USP25: variants seen among roughly 807,000 people sequenced by gnomAD.
USP25 encodes the protein ubiquitin carboxyl-terminal hydrolase 25.
In USP25, 85 loss-of-function variants were observed where a neutral mutation model predicts 158.5. The observed-to-expected ratio is 0.54, with a 90% CI of 0.45 to 0.64. USP25 has a LOEUF of 0.64. USP25 is among the 30% of genes least tolerant of loss of function. The pLI is 0.00. For missense variants in USP25, 1,242 were observed against 1,327.3 expected (o/e 0.94, Z 1.00); for synonymous variants, 464 against 460.4 (o/e 1.01, Z -0.10).
intron 4 of USP25, among the ~76,000 whole-genome samples, chr21:15,783,120 T>G (rs1351920326): frequency 1.3e-5 from 2 of 151,286 alleles, no homozygotes; most frequent in African/African-American, 4.9e-5. Context: ...AAAATACAAT[T>G]GAGAGCCACA....
At chr21:15,848,730 G>GT (rs1316826053) in intron 19 of USP25, among the ~76,000 whole-genome samples, 1 of 152,096 alleles carries the variant, frequency 6.6e-6, no homozygotes, top group African/African-American at 2.4e-5. Flanking sequence ...CTGTACCAGT[G>GT]TAAGAAATCA....
chr21:15,856,887 C>A (rs963092998), intron 20 of USP25, among the ~76,000 whole-genome samples: 15 of 152,042 alleles, frequency 9.9e-5, no homozygotes, highest in Admixed American at 9.8e-4. Flanking sequence ...TAGGGTTTAT[C>A]AAAATTTATT....
At chr21:15,760,468 G>T (rs1324162064) in intron 1 of USP25, among the ~76,000 whole-genome samples, 2 of 152,176 alleles carry the variant, frequency 1.3e-5, no homozygotes, top group African/African-American at 2.4e-5. Flanking sequence ...TGAAGCTGCT[G>T]TTTAGTTGGG....
At chr21:15,862,169 C>G (rs1813795106) in intron 20 of USP25, among the ~76,000 whole-genome samples, 1 of 151,976 alleles carries the variant, frequency 6.6e-6, no homozygotes, top group South Asian at 2.1e-4. Flanking sequence ...CTATTTTGTA[C>G]TAAAGTATGA....
chr21:15,838,207 G>T (rs2038152107), intron 17 of USP25, among the ~76,000 whole-genome samples: 1 of 151,530 alleles, frequency 6.6e-6, no homozygotes, highest in East Asian at 1.9e-4. Flanking sequence ...AGGATTACAG[G>T]CATGAAGCCA....
chr21:15,748,880 A>G (rs2823472), intron 1 of USP25, among the ~76,000 whole-genome samples: 35,539 of 152,066 alleles, frequency 0.23, 5,654 homozygotes, highest in African/African-American at 0.46. Context: ...AAGCTTTTGG[A>G]AGTAAATTTT....
At chr21:15,806,490 T>G (rs2036399814) in intron 7 of USP25, among the ~76,000 whole-genome samples, 1 of 151,876 alleles carries the variant, frequency 6.6e-6, no homozygotes, top group Non-Finnish European at 1.5e-5. Flanking sequence ...TTTTCACATT[T>G]AAAGATGAGG....
chr21:15,773,529 C>CA (rs1383449699), intron 3 of USP25, among the ~76,000 whole-genome samples: 1 of 151,906 alleles, frequency 6.6e-6, no homozygotes, highest in African/African-American at 2.4e-5. Context: ...TGTACACATA[C>CA]AATCTCCTAA....
At chr21:15,802,498 A>G (rs118140061) in intron 6 of USP25, among the ~76,000 whole-genome samples, 1,738 of 151,768 alleles carry the variant, frequency 0.011, 14 homozygotes, top group Middle Eastern at 0.02. Flanking sequence ...AAAGATATAC[A>G]GAAAATCCCC....
chr21:15,738,959 G>A (rs890023467), intron 1 of USP25, among the ~76,000 whole-genome samples: 8 of 152,080 alleles, frequency 5.3e-5, no homozygotes, highest in African/African-American at 1.7e-4. Flanking sequence ...ATTTGATCAT[G>A]ACCCTCTCAC....
chr21:15,734,725 T>G (rs930551428), intron 1 of USP25, among the ~76,000 whole-genome samples: 2 of 152,184 alleles, frequency 1.3e-5, no homozygotes, highest in African/African-American at 4.8e-5. Context: ...CTATTATATA[T>G]TGTTTCCTTA....
At chr21:15,868,542 A>T (rs1009822446) in intron 22 of USP25, among the ~76,000 whole-genome samples, 17 of 152,182 alleles carry the variant, frequency 1.1e-4, no homozygotes, top group African/African-American at 4.1e-4. Context: ...GTTAAATCAT[A>T]CAAGTATTTA....
At position 15,805,184 on chromosome 21, in the gene USP25, A is replaced by C; in HGVS notation, c.706A>C (p.Lys236Gln). ...RYLFALLVGT[K>Q]RKYVDPSRAV... ...TCTATTTGCACTTCTTGTTGGTACC[A>C]AAAGGAAGTATGTTGATCCATCAAG... is the stretch of plus-strand genomic sequence containing the variant. The change falls in exon 7 of 26, where the codon AAA (lysine) becomes CAA (glutamine). Residue 236 changes from lysine (K) to glutamine (Q), a missense_variant. Physicochemically the swap from Lys to Gln is moderately conservative, Grantham distance 53 (BLOSUM62 1). Transcript: ENST00000400183. 3.7e-6 allele frequency: 6 copies of C among 1,610,168 alleles called. No individual in the cohort carries two copies. The highest frequency in any genetic ancestry group is 5.1e-6 in the Non-Finnish European group (6 of 1,178,426).
In USP25 at chr21:15,750,181, C is replaced by CGTGT. The variant is rs367779613; in HGVS notation, c.46-12683_46-12680dup. Among the ~76,000 whole-genome samples the CGTGT allele has an allele frequency of 1.8e-3, 223 of 126,904 alleles. 3 individuals are homozygous for CGTGT. The highest frequency in any genetic ancestry group is 5.5e-3 in the African/African-American group (160 of 29,036). The allele number at this position is 126,904 out of a possible 152,430, so 83.3% of individuals were successfully genotyped here. ...TATACTTTAATGAAATCTCCAGTGCCGTGTGTGTGTGTGTGTGTGTGTGTG... is the reference window on the plus strand; with the variant it reads ...TATACTTTAATGAAATCTCCAGTGCCGTGTGTGTGTGTGTGTGTGTGTGTGTGTG... On this transcript the variant is annotated intron_variant, in intron 1 of 25. Coordinates refer to ENST00000400183, the MANE Select transcript of USP25 (RefSeq NM_001283041.3).
intron 5 of USP25, 96 bp from the exon 6 acceptor site, chr21:15,799,661 C>T (rs1239267119): frequency 4.1e-6 from 3 of 730,374 alleles, no homozygotes; most frequent in African/African-American, 3.6e-5. Context: ...ATAAGTAGTA[C>T]ACAGTTGTAA....
At position 15,875,248 on chromosome 21, in the gene USP25, A is replaced by G. The variant is rs1479674471; in HGVS notation, c.3009+722A>G. ...AACTTAAAAAATTGAATTTTCAGGT[A>G]CAAGAATAGTATAGCTGACTTTAAA... On this transcript the variant is annotated intron_variant, in intron 24 of 25. Coordinates refer to ENST00000400183, the MANE Select transcript of USP25 (RefSeq NM_001283041.3). The surrounding 1 kb of genome is among the most constrained non-coding windows in gnomAD (Gnocchi z 4.7). Among the ~76,000 whole-genome samples the G allele has an allele frequency of 1.3e-5, 2 of 152,200 alleles. No homozygotes were observed. The highest frequency in any genetic ancestry group is 2.9e-5 in the Non-Finnish European group (2 of 68,030).
At chr21:15,827,790 G>A (rs1046579073) in intron 14 of USP25, among the ~76,000 whole-genome samples, 1 of 151,398 alleles carries the variant, frequency 6.6e-6, no homozygotes, top group Non-Finnish European at 1.5e-5. Flanking sequence ...GTGTGTGTGT[G>A]TGTGTGTGTG....
chr21:15,783,250 G>C (rs1412026289), intron 4 of USP25, among the ~76,000 whole-genome samples: 4 of 151,992 alleles, frequency 2.6e-5, no homozygotes, highest in Non-Finnish European at 5.9e-5. Context: ...AAGCCCATAG[G>C]ACTTATCAGA....
chr21:15,778,685 C>T (rs1262571205), intron 4 of USP25, among the ~76,000 whole-genome samples: 1 of 152,038 alleles, frequency 6.6e-6, no homozygotes, highest in Non-Finnish European at 1.5e-5. Flanking sequence ...TTTGATTCAT[C>T]TAAGGACTAA....
Sources: gnomAD v4.1 joint callset for allele counts (sites outside exome capture counted in the v4.1 genomes callset) on GRCh38, gnomAD v4.1.1 for gene constraint, Gnocchi (gnomAD v3.1) non-coding constraint, MANE v1.5 for transcripts, NCBI Gene and HGNC (gene_info 2026-07-23, HGNC 2026-07-21) for gene names.